The following FRY variants were observed in gnomAD, a reference collection of about 807,000 sequenced individuals.
The protein encoded by FRY is protein furry homolog.
FRY carries 128 observed loss-of-function variants against 348.4 expected under a neutral mutation model. The observed-to-expected ratio is 0.37, with a 90% CI of 0.32 to 0.43. FRY has a LOEUF of 0.43. FRY is among the 20% of genes least tolerant of loss of function. The probability of loss-of-function intolerance (pLI) is 1.00; values close to 1 mark genes in which losing one functional copy is unlikely to be tolerated. For missense variants in FRY, 2,736 were observed against 3,695.2 expected (o/e 0.74, Z 6.73); for synonymous variants, 1,370 against 1,374.7 (o/e 1.00, Z 0.08).
chr13:32,084,097 G>A (rs1875695226), intron 2 of FRY, among the ~76,000 whole-genome samples: 2 of 151,982 alleles, frequency 1.3e-5, no homozygotes, highest in Admixed American at 1.3e-4. Flanking sequence ...GAGCTTTTGG[G>A]TTATCTGAGC....
chr13:32,084,159 G>T (rs552313894), intron 2 of FRY, among the ~76,000 whole-genome samples: 38 of 152,256 alleles, frequency 2.5e-4, no homozygotes, highest in African/African-American at 8.7e-4. Flanking sequence ...TTTCCATGCA[G>T]ATAGAGCCAG....
At chr13:32,220,599 C>G (rs987330075) in intron 36 of FRY, among the ~76,000 whole-genome samples, 2 of 152,198 alleles carry the variant, frequency 1.3e-5, no homozygotes, top group Non-Finnish European at 2.9e-5. Flanking sequence ...CAAGAAAAGT[C>G]TGGTTACTGT....
intron 15 of FRY, among the ~76,000 whole-genome samples, chr13:32,156,307 A>T (rs1340558200): frequency 6.6e-6 from 1 of 152,176 alleles, no homozygotes; most frequent in Non-Finnish European, 1.5e-5. Context: ...TGTTTAAATG[A>T]CTTTTAAAAG....
intron 1 of FRY, among the ~76,000 whole-genome samples, chr13:32,047,497 T>C (rs1171344227): frequency 2.0e-5 from 3 of 152,022 alleles, no homozygotes; most frequent in Non-Finnish European, 4.4e-5. Flanking sequence ...GCTGAAAATA[T>C]AACAAGGCAT....
chr13:32,253,543 CA>C (rs1887187927), intron 50 of FRY, among the ~76,000 whole-genome samples: 1 of 152,070 alleles, frequency 6.6e-6, no homozygotes, highest in Admixed American at 6.6e-5. Context: ...CAAGTTCTAC[CA>C]AAATGGGTCA....
At chr13:32,120,487 C>T (rs932707308) in intron 4 of FRY, among the ~76,000 whole-genome samples, 2 of 151,628 alleles carry the variant, frequency 1.3e-5, no homozygotes, top group Non-Finnish European at 3.0e-5. Flanking sequence ...TTTTTCCGTA[C>T]GTTATTGGGG....
At chr13:32,236,452 CT>C (rs1475138266) in intron 43 of FRY, among the ~76,000 whole-genome samples, 1 of 151,882 alleles carries the variant, frequency 6.6e-6, no homozygotes, top group African/African-American at 2.4e-5. Context: ...TTTTTCATTT[CT>C]TTTTTTGTCT....
chr13:32,115,350 G>A (rs1367449053), intron 3 of FRY, among the ~76,000 whole-genome samples: 2 of 152,108 alleles, frequency 1.3e-5, no homozygotes, highest in South Asian at 2.1e-4. Flanking sequence ...TGCTTCTCAG[G>A]CCGAGATCAC....
At chr13:32,281,930 G>C (rs574324882) in intron 58 of FRY, among the ~76,000 whole-genome samples, 2 of 152,272 alleles carry the variant, frequency 1.3e-5, no homozygotes, top group South Asian at 4.1e-4. Context: ...AATGCCACCA[G>C]CCTTGAGGCA....
chr13:32,193,513 T>C (rs1202839345), intron 28 of FRY, among the ~76,000 whole-genome samples: 4 of 152,020 alleles, frequency 2.6e-5, no homozygotes, highest in African/African-American at 7.2e-5. Flanking sequence ...CTTTTGTATA[T>C]TGGATTTTTT....
At chr13:32,134,253 T>C (rs1165584449) in intron 8 of FRY, among the ~76,000 whole-genome samples, 1 of 152,202 alleles carries the variant, frequency 6.6e-6, no homozygotes, top group African/African-American at 2.4e-5. Context: ...GAATGAGTCA[T>C]TGAGCAACCA....
intron 55 of FRY, among the ~76,000 whole-genome samples, chr13:32,271,700 T>C (rs1487692100): frequency 6.6e-6 from 1 of 152,182 alleles, no homozygotes; most frequent in Non-Finnish European, 1.5e-5. Flanking sequence ...CCATCCAATG[T>C]CCTCGCAGAA....
intron 1 of FRY, among the ~76,000 whole-genome samples, chr13:32,040,937 C>T (rs753757008): frequency 1.3e-5 from 2 of 152,150 alleles, no homozygotes; most frequent in Non-Finnish European, 2.9e-5. Context: ...GAAAATCTGT[C>T]TGAAACATCT....
chr13:32,065,795 G>T (rs184998359), intron 1 of FRY, among the ~76,000 whole-genome samples: 1 of 151,372 alleles, frequency 6.6e-6, no homozygotes, highest in Non-Finnish European at 1.5e-5. Context: ...GTAGAGATGG[G>T]GTCTCACTGT....
intron 29 of FRY, among the ~76,000 whole-genome samples, chr13:32,198,967 G>C (rs948317713): frequency 6.6e-6 from 1 of 152,170 alleles, no homozygotes; most frequent in African/African-American, 2.4e-5. Flanking sequence ...TTTGGTGTTT[G>C]TGGCACTATA....
chr13:32,209,465 C>T, intron 32 of FRY, 120 bp from the exon 33 acceptor site: 1 of 924,624 alleles, frequency 1.1e-6, no homozygotes, highest in Non-Finnish European at 1.8e-6. Flanking sequence ...GATAAATGGT[C>T]ATGTTTACCC....
chr13:32,092,554 A>G (rs149179069), intron 2 of FRY, among the ~76,000 whole-genome samples: 120 of 152,336 alleles, frequency 7.9e-4, no homozygotes, highest in Non-Finnish European at 1.0e-3. Flanking sequence ...AGCTGAGAGT[A>G]GGGAAGATTG....
intron 24 of FRY, 146 bp downstream of exon 24, chr13:32,183,180 T>C (rs1321268214): frequency 1.2e-5 from 7 of 586,214 alleles, no homozygotes; most frequent in Admixed American, 3.2e-5. Context: ...TTGTTGTTTT[T>C]ATTATTTTTC....
chr13:32,218,812 A>C lies in FRY; in HGVS notation c.4746A>C (p.Gly1582=). 6.2e-7 allele frequency: 1 copy of C among 1,601,168 alleles called. No individual in the cohort carries two copies. Residue 1582 remains glycine, a synonymous_variant, in exon 36 of 61, where the codon GGA becomes GGC. Transcript: ENST00000542859. ...CAAGATACAGCAATAGCTCTGGAGG[A>C]TCCTACGATGAAGATAAAAGTAAGT... ...LESRYSNSSG[G]SYDEDKNDPI... is the part of the protein sequence containing the mutation.
Sources: gnomAD v4.1 joint callset for allele counts (sites outside exome capture counted in the v4.1 genomes callset) on GRCh38, gnomAD v4.1.1 for gene constraint, MANE v1.5 for transcripts, NCBI Gene and HGNC (gene_info 2026-07-23, HGNC 2026-07-21) for gene names.